Variants in AGMO observed in about 807,000 individuals in gnomAD.
The protein encoded by AGMO is alkylglycerol monooxygenase, also known as glyceryl-ether monooxygenase.
Under a neutral mutation model 60.2 loss-of-function variants are expected in AGMO, and 75 were observed. That is an observed-to-expected ratio of 1.25 (90% confidence interval 1.03 to 1.51). The LOEUF is 1.51. Ranked by LOEUF, AGMO falls within the 40% of genes most tolerant of loss-of-function variation. The pLI, the probability that AGMO is intolerant of heterozygous loss-of-function variation, is 0.00. For missense variants in AGMO, 763 were observed against 525.5 expected, an observed-to-expected ratio of 1.45 and a Z score of -4.42; for synonymous variants, 261 against 177.1, an observed-to-expected ratio of 1.47 and a Z score of -3.76.
chr7:15,193,833 C>A, the AGMO span, among the ~76,000 whole-genome samples: 1 of 152,082 alleles, frequency 6.6e-6, no homozygotes, highest in Non-Finnish European at 1.5e-5. Flanking sequence ...AATCTGATGT[C>A]TGGCAGCAAA....
At chr7:15,416,082 G>A (rs1185448164) in intron 5 of AGMO, among the ~76,000 whole-genome samples, 1 of 143,128 alleles carries the variant, frequency 7.0e-6, no homozygotes, top group Non-Finnish European at 1.5e-5. Flanking sequence ...CGCCCAGGCT[G>A]GAGTGCAGTG....
At chr7:15,175,404 A>G in the AGMO span, among the ~76,000 whole-genome samples, 2 of 151,994 alleles carry the variant, frequency 1.3e-5, no homozygotes, top group African/African-American at 4.8e-5. Flanking sequence ...AACACACACT[A>G]GTTATGATTT....
chr7:15,169,979 A>T, the AGMO span, among the ~76,000 whole-genome samples: 1 of 152,234 alleles, frequency 6.6e-6, no homozygotes, highest in African/African-American at 2.4e-5. Flanking sequence ...GCCAGTGAAC[A>T]TTTGTAACAT....
At chr7:15,183,920 T>C in the AGMO span, among the ~76,000 whole-genome samples, 6 of 152,174 alleles carry the variant, frequency 3.9e-5, no homozygotes, top group Admixed American at 3.3e-4. Flanking sequence ...AATTTGATAA[T>C]TGTCCCTTCC....
At chr7:15,338,349 A>T (rs146105912) in intron 12 of AGMO, among the ~76,000 whole-genome samples, 1 of 152,212 alleles carries the variant, frequency 6.6e-6, no homozygotes, top group East Asian at 1.9e-4. Flanking sequence ...TATATACATT[A>T]ATTTTTAACT....
chr7:15,494,618 T>C (rs1306820316), intron 3 of AGMO, among the ~76,000 whole-genome samples: 1 of 152,170 alleles, frequency 6.6e-6, no homozygotes, highest in East Asian at 1.9e-4. Context: ...GGTTGGAGCT[T>C]TAAGTAGAGA....
chr7:15,455,233 G>A (rs556058847), intron 3 of AGMO, among the ~76,000 whole-genome samples: 151 of 152,066 alleles, frequency 9.9e-4, no homozygotes, highest in African/African-American at 2.7e-3. Flanking sequence ...TATGCAGCAC[G>A]TTATGATGTT....
At chr7:15,395,658 G>C (rs897606616) in intron 5 of AGMO, among the ~76,000 whole-genome samples, 10 of 152,212 alleles carry the variant, frequency 6.6e-5, no homozygotes, top group African/African-American at 2.4e-4. Flanking sequence ...CTTGAGTTTT[G>C]AAACAAAATG....
At chr7:15,294,476 T>G (rs888322650) in intron 12 of AGMO, among the ~76,000 whole-genome samples, 3 of 151,066 alleles carry the variant, frequency 2.0e-5, no homozygotes, top group Non-Finnish European at 4.4e-5. Context: ...TTTCAAATTA[T>G]AAAATACAAT....
intron 2 of AGMO, among the ~76,000 whole-genome samples, chr7:15,554,037 C>T (rs926625973): frequency 1.3e-5 from 2 of 152,088 alleles, no homozygotes; most frequent in African/African-American, 4.8e-5. Context: ...GAAACAATAG[C>T]CATGGAGTGC....
At chr7:15,471,510 T>C (rs1300990828) in intron 3 of AGMO, among the ~76,000 whole-genome samples, 1 of 151,934 alleles carries the variant, frequency 6.6e-6, no homozygotes, top group Non-Finnish European at 1.5e-5. Context: ...TCAACCACAC[T>C]TGGCAGGGCA....
At chr7:15,437,836 G>A (rs1414899835) in intron 3 of AGMO, among the ~76,000 whole-genome samples, 3 of 152,124 alleles carry the variant, frequency 2.0e-5, no homozygotes, top group African/African-American at 2.4e-5. Context: ...CACTGCGCCC[G>A]GATGTTTGGC....
intron 12 of AGMO, among the ~76,000 whole-genome samples, chr7:15,327,715 G>C (rs888094369): frequency 6.9e-6 from 1 of 145,634 alleles, no homozygotes; most frequent in Admixed American, 6.8e-5. Context: ...AGGTTTTCAT[G>C]AAAAAATGAT....
chr7:15,354,667 ATTT>A (rs547552431), intron 12 of AGMO, among the ~76,000 whole-genome samples: 15 of 148,692 alleles, frequency 1.0e-4, no homozygotes, highest in Non-Finnish European at 1.9e-4. Context: ...AAAGAAAACA[ATTT>A]TTTAAGTGGC....
At chr7:15,477,429 A>C (rs2389410) in intron 3 of AGMO, among the ~76,000 whole-genome samples, 132,567 of 152,134 alleles carry the variant, frequency 0.87, 58,136 homozygotes, top group East Asian at 0.97. Flanking sequence ...CAAGGTGAAA[A>C]TACATTCAAC....
At chr7:15,526,191 G>C (rs749212401) in intron 3 of AGMO, among the ~76,000 whole-genome samples, 14 of 152,164 alleles carry the variant, frequency 9.2e-5, no homozygotes, top group Non-Finnish European at 1.9e-4. Flanking sequence ...GCCTGGGCAG[G>C]GGCGTTGCTG....
the AGMO span, among the ~76,000 whole-genome samples, chr7:15,183,956 T>C: frequency 6.6e-6 from 1 of 152,192 alleles, no homozygotes; most frequent in Non-Finnish European, 1.5e-5. Context: ...ATAAAGTGAT[T>C]GTTATTGTTA....
chr7:15,129,541 G>C, the AGMO span, among the ~76,000 whole-genome samples: 13 of 152,168 alleles, frequency 8.5e-5, no homozygotes, highest in East Asian at 1.7e-3. Context: ...AAAATAATCA[G>C]TGTTAGAAAG....
At chr7:15,492,862 T>C (rs979115873) in intron 3 of AGMO, among the ~76,000 whole-genome samples, 16 of 152,260 alleles carry the variant, frequency 1.1e-4, no homozygotes, top group African/African-American at 3.8e-4. Context: ...TGGTCGCGCG[T>C]TGGGTTATCT....
Sources: gnomAD v4.1 joint callset for allele counts (sites outside exome capture counted in the v4.1 genomes callset) on GRCh38, gnomAD v4.1.1 for gene constraint, MANE v1.5 for transcripts, NCBI Gene and HGNC (gene_info 2026-07-23, HGNC 2026-07-21) for gene names.